Variants in SLC5A11 observed in about 807,000 individuals in gnomAD.
The protein encoded by SLC5A11 is solute carrier family 5 member 11, also known as sodium/myo-inositol cotransporter 2.
Under a neutral mutation model 69.8 loss-of-function variants are expected in SLC5A11, and 48 were observed. That is an observed-to-expected ratio of 0.69 (90% CI 0.55 to 0.87). The LOEUF is 0.87. Among genes scored for constraint, SLC5A11 ranks in the 40% least tolerant of loss-of-function variants. SLC5A11 has a pLI of 0.00. For missense variants in SLC5A11, 784 were observed against 866.1 expected, an observed-to-expected ratio of 0.91 and a Z score of 1.19; for synonymous variants, 319 against 342.4, an observed-to-expected ratio of 0.93 and a Z score of 0.75.
chr16:24,854,205 G>T lies in SLC5A11; in HGVS notation c.-24-4415G>T, dbSNP rs8052600. 8.5e-3 allele frequency among the ~76,000 whole-genome samples: 1,297 copies of T among 152,160 alleles called. 23 individuals are homozygous for T. The highest frequency in any genetic ancestry group is 0.03 in the African/African-American group (1,235 of 41,518). On this transcript the variant is annotated intron_variant, in intron 1 of 15. Transcript: ENST00000347898. ...GCCGCCCCTCCTCCCTCCTCCCTCT[G>T]CCCCACTCCCCAATTCAGCATCAAC...
chr16:24,852,203 G>A (rs373208059), intron 1 of SLC5A11, among the ~76,000 whole-genome samples: 4 of 152,018 alleles, frequency 2.6e-5, no homozygotes, highest in African/African-American at 9.7e-5. Context: ...AAAGAATCAC[G>A]CACATCCAGA....
intron 13 of SLC5A11, 148 bp from the exon 15 acceptor site, chr16:24,908,733 T>C (rs770041838): frequency 4.0e-5 from 25 of 627,844 alleles, no homozygotes; most frequent in Non-Finnish European, 6.0e-5. Context: ...AAAAGATAAA[T>C]GGTTAAGTAT....
intron 1 of SLC5A11, among the ~76,000 whole-genome samples, chr16:24,847,473 G>A (rs1171929042): frequency 6.6e-6 from 1 of 151,398 alleles, no homozygotes; most frequent in African/African-American, 2.4e-5. Context: ...TGTTGCCCAG[G>A]CTGAAATGTA....
At chr16:24,900,178 G>A (rs1461330126) in intron 10 of SLC5A11, among the ~76,000 whole-genome samples, 1 of 152,186 alleles carries the variant, frequency 6.6e-6, no homozygotes, top group African/African-American at 2.4e-5. Context: ...CTATACAGAA[G>A]AAAGCTCCTC....
chr16:24,872,174 G>A (rs1432662237), exon 5 of SLC5A11: 13 of 1,614,152 alleles, frequency 8.1e-6, no homozygotes, highest in Non-Finnish European at 7.6e-6. Flanking sequence ...TGTTTTCTGT[G>A]CTGATGTTGG....
intron 3 of SLC5A11, among the ~76,000 whole-genome samples, chr16:24,867,173 A>C (rs1226811496): frequency 6.6e-6 from 1 of 152,196 alleles, no homozygotes; most frequent in Non-Finnish European, 1.5e-5. Context: ...GAAATAATAC[A>C]AAGTGTGTTG....
At chr16:24,881,092 G>C (rs915606011) in intron 7 of SLC5A11, among the ~76,000 whole-genome samples, 4 of 151,704 alleles carry the variant, frequency 2.6e-5, no homozygotes, top group Non-Finnish European at 5.9e-5. Flanking sequence ...TGTAATCCCA[G>C]CTACCTGGGA....
chr16:24,856,830 A>G (rs1399857193), intron 1 of SLC5A11, among the ~76,000 whole-genome samples: 1 of 152,028 alleles, frequency 6.6e-6, no homozygotes, highest in African/African-American at 2.4e-5. Flanking sequence ...AGCTAAGTGT[A>G]AATGGTGGAG....
chr16:24,865,791 A>C lies in SLC5A11; in HGVS notation c.207+3119A>C, dbSNP rs141134961. 8.8e-4 allele frequency among the ~76,000 whole-genome samples: 134 copies of C among 152,212 alleles called. 1 individual carries two copies. In the East Asian group the frequency reaches 0.022, roughly 25 times the overall value. On this transcript the variant is annotated intron_variant, in intron 3 of 15. Coordinates refer to ENST00000347898, the Ensembl canonical transcript of SLC5A11. ...AAGGTAATCCTTCAGGCTGAAATAA[A>C]GACATCAGAGAGTAACTTGAGTCTA...
intron 3 of SLC5A11, among the ~76,000 whole-genome samples, chr16:24,863,756 G>GA (rs2046746333): frequency 6.6e-6 from 1 of 152,112 alleles, no homozygotes; most frequent in Admixed American, 6.5e-5. Context: ...CTGGGTCTCA[G>GA]AAAAAAACAG....
chr16:24,867,676 A>G (rs1567597769), intron 3 of SLC5A11, among the ~76,000 whole-genome samples: 2 of 152,160 alleles, frequency 1.3e-5, no homozygotes, highest in Non-Finnish European at 2.9e-5. Flanking sequence ...GAAATGAAAA[A>G]GGGGGAATTT....
exon 2 of SLC5A11, chr16:24,858,652 C>A (rs1176853436): frequency 6.2e-7 from 1 of 1,608,978 alleles, no homozygotes; most frequent in South Asian, 1.1e-5. Context: ...CCATGGAGAG[C>A]GGCACCAGCA....
chr16:24,880,587 G>T (rs1283142433), intron 7 of SLC5A11, among the ~76,000 whole-genome samples: 2 of 152,140 alleles, frequency 1.3e-5, no homozygotes, highest in Non-Finnish European at 2.9e-5. Context: ...GCCCGCTTCG[G>T]CCTCCCAAAG....
intron 1 of SLC5A11, among the ~76,000 whole-genome samples, chr16:24,847,725 A>G (rs749088601): frequency 6.6e-6 from 1 of 152,180 alleles, no homozygotes; most frequent in Non-Finnish European, 1.5e-5. Context: ...GTCCTAGCCC[A>G]TTGGGCATCC....
At chr16:24,850,100 G>A (rs181343178) in intron 1 of SLC5A11, among the ~76,000 whole-genome samples, 7 of 151,812 alleles carry the variant, frequency 4.6e-5, no homozygotes, top group Admixed American at 4.6e-4. Flanking sequence ...ACCATGCCCA[G>A]CTAATTTTTA....
At chr16:24,901,958 G>GCGCACACACACACACA (rs976595625) in intron 10 of SLC5A11, among the ~76,000 whole-genome samples, 12 of 136,576 alleles carry the variant, frequency 8.8e-5, no homozygotes, top group African/African-American at 3.0e-4. Context: ...ACACACACAC[G>GCGCACACACACACACA]CACACACACA....
chr16:24,854,063 C>T (rs894458232), intron 1 of SLC5A11, among the ~76,000 whole-genome samples: 3 of 152,036 alleles, frequency 2.0e-5, no homozygotes, highest in African/African-American at 2.4e-5. Context: ...GGCCCCACGG[C>T]GATGATGAAT....
chr16:24,883,986 G>A lies in SLC5A11; in HGVS notation c.584-65G>A. The A allele has an allele frequency of 2.0e-6, 3 of 1,482,282 alleles. No homozygotes were observed. In the South Asian group the frequency reaches 3.5e-5, roughly 17 times the overall value. The allele number at this position is 1,482,282 out of a possible 1,614,324, so 91.8% of individuals were successfully genotyped here. A position where few individuals can be genotyped will look rare whatever the true frequency, so the allele number is the denominator to read the frequency against. On this transcript the variant is annotated intron_variant, in intron 7 of 15. Coordinates refer to ENST00000347898, the Ensembl canonical transcript of SLC5A11. ...GGGTCCTGGCCTTCCAGGTTCCCTTGGTGACCCAGAGTAACCCCTTCTCGT... is the reference window on the plus strand; with the variant it reads ...GGGTCCTGGCCTTCCAGGTTCCCTTAGTGACCCAGAGTAACCCCTTCTCGT...
At position 24,890,755 on chromosome 16, in the gene SLC5A11, A is replaced by C. The variant is rs921234757; in HGVS notation, c.665-114A>C. On this transcript the variant is annotated intron_variant, in intron 8 of 15. Transcript: ENST00000347898. ...GAGGTTAAGAACCCTTAAGGGGATTAACATTTTTGGTGGCTCTGGTCCTAC... is the reference window on the plus strand; with the variant it reads ...GAGGTTAAGAACCCTTAAGGGGATTCACATTTTTGGTGGCTCTGGTCCTAC... 5.2e-6 allele frequency: 5 copies of C among 954,752 alleles called. No homozygotes were observed. The African/African-American group carries it at 8.1e-5, about 15-fold the overall frequency. The allele number at this position is 954,752 out of a possible 1,614,324, so 59.1% of individuals were successfully genotyped here. A position where few individuals can be genotyped will look rare whatever the true frequency, so the allele number is the denominator to read the frequency against.
Sources: gnomAD v4.1 joint callset for allele counts (sites outside exome capture counted in the v4.1 genomes callset) on GRCh38, gnomAD v4.1.1 for gene constraint, MANE v1.5 for transcripts, NCBI Gene and HGNC (gene_info 2026-07-23, HGNC 2026-07-21) for gene names.